The following MAPK14 variants were observed in gnomAD, a reference collection of about 807,000 sequenced individuals.
The protein encoded by MAPK14 is CSAID-binding protein.
MAPK14 carries 16 observed loss-of-function variants against 49.6 expected under a neutral mutation model. The observed-to-expected ratio is 0.32, with a 90% confidence interval of 0.22 to 0.49. The LOEUF is 0.49. MAPK14 is among the 20% of genes least tolerant of loss of function. MAPK14 has a pLI of 0.99. For synonymous variants in MAPK14, 142 were observed against 158.0 expected, an observed-to-expected ratio of 0.90 and a Z score of 0.76; for missense variants, 200 against 441.2, an observed-to-expected ratio of 0.45 and a Z score of 4.90.
chr6:36,049,615 T>C (rs1443223595), intron 1 of MAPK14, among the ~76,000 whole-genome samples: 1 of 151,716 alleles, frequency 6.6e-6, no homozygotes, highest in Admixed American at 6.6e-5. Flanking sequence ...ACCTCTGGTG[T>C]AGGTGACTTT....
chr6:36,059,253 A>G (rs1177192081), intron 2 of MAPK14, 36 bp from the exon 3 acceptor site: 19 of 1,350,684 alleles, frequency 1.4e-5, no homozygotes, highest in Non-Finnish European at 2.0e-5. Flanking sequence ...TGAGTTTAAT[A>G]TTTATTTACT....
In MAPK14 at chr6:36,107,923, A is replaced by G. The variant is rs1309409430; in HGVS notation, c.1015+295A>G. 5.9e-5 allele frequency among the ~76,000 whole-genome samples: 9 copies of G among 152,238 alleles called. No homozygotes were observed. Among genetic ancestry groups the G allele is most frequent in the Admixed American group, 3.3e-4 (5 of 15,290 alleles). On this transcript the variant is annotated intron_variant, in intron 11 of 11. Coordinates refer to ENST00000229794, the MANE Select transcript of MAPK14 (RefSeq NM_139012.3). This position sits in a 1 kb window ranked among gnomAD's most constrained non-coding sequence, Gnocchi z 4.3. The stretch of plus-strand genomic sequence containing the variant: ...CTCTCTGAGCTTTTACAGTTTTACA[A>G]TTAGTAGAACTGGGGCAAAGAGAAT...
At chr6:36,056,297 C>T (rs937101671) in intron 2 of MAPK14, among the ~76,000 whole-genome samples, 1 of 152,156 alleles carries the variant, frequency 6.6e-6, no homozygotes, top group African/African-American at 2.4e-5. Context: ...TTGTACTAGG[C>T]ACCTTCAGAT....
downstream of MAPK14, among the ~76,000 whole-genome samples, chr6:36,115,534 C>T (rs1487480142): frequency 6.6e-6 from 1 of 152,112 alleles, no homozygotes; most frequent in African/African-American, 2.4e-5. Context: ...CCTGTAATCC[C>T]GGCACTTTGG....
intron 3 of MAPK14, among the ~76,000 whole-genome samples, chr6:36,067,228 A>G (rs1267195325): frequency 6.6e-6 from 1 of 152,190 alleles, no homozygotes; most frequent in Non-Finnish European, 1.5e-5. Context: ...TAAAAGGTAA[A>G]GAAGCTTCAA....
downstream of MAPK14, among the ~76,000 whole-genome samples, chr6:36,115,113 G>A (rs926661155): frequency 1.3e-5 from 2 of 152,204 alleles, no homozygotes; most frequent in African/African-American, 4.8e-5. Context: ...GTCTAAGTAC[G>A]CATAGCCAGT....
At chr6:36,072,527 G>A (rs1040864214) in intron 3 of MAPK14, among the ~76,000 whole-genome samples, 4 of 152,026 alleles carry the variant, frequency 2.6e-5, no homozygotes, top group African/African-American at 9.7e-5. Flanking sequence ...AGCACTTTGG[G>A]AGGCTGAGGC....
At chr6:36,101,517 ACT>A (rs768606771) in intron 9 of MAPK14, among the ~76,000 whole-genome samples, 8 of 151,754 alleles carry the variant, frequency 5.3e-5, no homozygotes, top group Non-Finnish European at 1.0e-4. Flanking sequence ...CAGGATCTTA[ACT>A]CTGTCACCCC....
intron 1 of MAPK14, among the ~76,000 whole-genome samples, chr6:36,038,275 A>T (rs1046909846): frequency 6.6e-6 from 1 of 152,206 alleles, no homozygotes; most frequent in Admixed American, 6.5e-5. Flanking sequence ...TAGGCTGAGG[A>T]TTAGCAAGTG....
chr6:36,069,023 C>T (rs980672081), intron 3 of MAPK14, among the ~76,000 whole-genome samples: 1 of 152,162 alleles, frequency 6.6e-6, no homozygotes, highest in African/African-American at 2.4e-5. Flanking sequence ...TCCAACTTAA[C>T]TTAATTCCTT....
chr6:36,035,431 G>A (rs567733628), intron 1 of MAPK14, among the ~76,000 whole-genome samples: 5 of 152,164 alleles, frequency 3.3e-5, no homozygotes, highest in African/African-American at 9.6e-5. Context: ...CTCCTAAGGC[G>A]TCCTTATTCC....
At chr6:36,079,818 A>G (rs1221580509) in intron 8 of MAPK14, among the ~76,000 whole-genome samples, 2 of 152,208 alleles carry the variant, frequency 1.3e-5, no homozygotes, top group African/African-American at 2.4e-5. Flanking sequence ...TTATTAAGCA[A>G]CTGAAATGCA....
chr6:36,122,477 C>G, the MAPK14 span, among the ~76,000 whole-genome samples: 1 of 152,220 alleles, frequency 6.6e-6, no homozygotes, highest in East Asian at 1.9e-4. Context: ...CCTGCTACAT[C>G]CCTGCCATTC....
intron 8 of MAPK14, among the ~76,000 whole-genome samples, chr6:36,081,332 T>C (rs1764752083): frequency 6.6e-6 from 1 of 152,174 alleles, no homozygotes; most frequent in African/African-American, 2.4e-5. Flanking sequence ...GCTCTTATAC[T>C]TAGGTCTTTG....
At chr6:36,031,398 G>A (rs1444360606) in intron 1 of MAPK14, among the ~76,000 whole-genome samples, 1 of 152,088 alleles carries the variant, frequency 6.6e-6, no homozygotes, top group Non-Finnish European at 1.5e-5. Flanking sequence ...TTTGGAGCCT[G>A]TGATATTCTT....
chr6:36,035,650 G>A (rs866965248), intron 1 of MAPK14, among the ~76,000 whole-genome samples: 21 of 151,946 alleles, frequency 1.4e-4, no homozygotes, highest in African/African-American at 5.1e-4. Flanking sequence ...CAAATGAAAA[G>A]TTTTTGAAGG....
chr6:36,107,428 T>C lies in MAPK14; in HGVS notation c.842-27T>C. 6.8e-7 allele frequency: 1 copy of C among 1,473,324 alleles called. No individual in the cohort carries two copies. The highest frequency in any genetic ancestry group is 9.0e-7 in the Non-Finnish European group (1 of 1,105,022). The allele number at this position is 1,473,324 out of a possible 1,614,324, so 91.3% of individuals were successfully genotyped here. ...TTTTTTGTAACATGTTAAAAACTCT[T>C]TTCCTTCCTGTCTATGGTACTGATA... On this transcript the variant is annotated intron_variant, in intron 10 of 11. Coordinates refer to ENST00000229794, the MANE Select transcript of MAPK14 (RefSeq NM_139012.3). This position sits in a 1 kb window ranked among gnomAD's most constrained non-coding sequence, Gnocchi z 4.3.
Position 36,089,949 on chromosome 6 carries a change from C to T in MAPK14, c.683-6038C>T, listed in dbSNP as rs566404207. Among the ~76,000 whole-genome samples the T allele has an allele frequency of 2.3e-3, 350 of 152,310 alleles. 1 individual carries two copies. Among genetic ancestry groups the T allele is most frequent in the Non-Finnish European group, 4.2e-3 (288 of 68,024 alleles). Reference sequence around the variant, plus strand: ...TTTCTACCAGAGATCACAGCCTTGGCTTGCTGTTGTTTTCCTTTTCTCCAT... The same window carrying T: ...TTTCTACCAGAGATCACAGCCTTGGTTTGCTGTTGTTTTCCTTTTCTCCAT... On this transcript the variant is annotated intron_variant, in intron 8 of 11. Transcript: ENST00000229794.
chr6:36,087,999 A>G lies in MAPK14; in HGVS notation c.683-7988A>G, dbSNP rs138177846. ...CACATCTACAACCATCTGATCTTCA[A>G]CAAACCTGACAAAACGAGCAATGGG... On this transcript the variant is annotated intron_variant, in intron 8 of 11. Coordinates refer to ENST00000229794, the MANE Select transcript of MAPK14 (RefSeq NM_139012.3). Among the ~76,000 whole-genome samples the G allele has an allele frequency of 5.8e-3, 881 of 152,332 alleles. 11 individuals carry two copies. Among genetic ancestry groups the G allele is most frequent in the African/African-American group, 0.02 (828 of 41,570 alleles).
Sources: gnomAD v4.1 joint callset for allele counts (sites outside exome capture counted in the v4.1 genomes callset) on GRCh38, gnomAD v4.1.1 for gene constraint, Gnocchi (gnomAD v3.1) non-coding constraint, MANE v1.5 for transcripts, NCBI Gene and HGNC (gene_info 2026-07-23, HGNC 2026-07-21) for gene names.